Variants in APLN observed in about 807,000 individuals in gnomAD.
APLN encodes apelin, also known as AGTRL1 ligand.
Under a neutral mutation model 4.3 loss-of-function variants are expected in APLN, and 2 were observed. The ratio of observed to expected loss-of-function variants is 0.46; its 90% CI spans 0.19 to 1.45. The LOEUF (loss-of-function observed/expected upper bound fraction) is 1.45. Among genes scored for constraint, APLN ranks in the 40% most tolerant of loss-of-function variants. The pLI, the probability that APLN is intolerant of heterozygous loss-of-function variation, is 0.25. For synonymous variants in APLN, 34 were observed against 30.4 expected, an observed-to-expected ratio of 1.12 and a Z score of -0.38; for missense variants, 80 against 70.0, an observed-to-expected ratio of 1.14 and a Z score of -0.51.
intron 1 of APLN, among the ~76,000 whole-genome samples, chrX:129,650,293 C>T (rs1244775150): frequency 9.0e-6 from 1 of 110,853 alleles, no homozygotes. Context: ...ACGCTCTGTT[C>T]CTTCCTTGGC....
In APLN at chrX:129,647,900, T is replaced by C. The variant is rs1427506090; in HGVS notation, c.*23A>G. ...AGACATAACCGCCGGGGGTGGGCAC[T>C]TGGGGGCCCCTTCAGTCCTAAGGAG... is the stretch of plus-strand genomic sequence containing the variant. On this transcript the variant is annotated 3_prime_UTR_variant, in exon 3 of 3. Coordinates refer to ENST00000429967, the MANE Select transcript of APLN (RefSeq NM_017413.5). 4.1e-6 allele frequency: 4 copies of C among 981,000 alleles called. 1 individual carries two copies. The highest frequency in any genetic ancestry group is 3.0e-5 in the Admixed American group (1 of 32,851). The allele number at this position is 981,000 out of a possible 1,213,427, so 80.8% of individuals were successfully genotyped here. A position where few individuals can be genotyped will look rare whatever the true frequency, so the allele number is the denominator to read the frequency against.
intron 1 of APLN, 74 bp from the exon 2 acceptor site, chrX:129,648,866 G>A (rs1936959845): frequency 1.4e-5 from 13 of 934,289 alleles, no homozygotes; most frequent in Middle Eastern, 3.8e-4. Context: ...ACAGGCCCGC[G>A]GGAGGGGTGG....
intron 1 of APLN, among the ~76,000 whole-genome samples, chrX:129,649,982 G>A (rs2124450187): frequency 9.0e-6 from 1 of 111,655 alleles, no homozygotes; most frequent in South Asian, 3.8e-4. Flanking sequence ...GGCAGGCAGT[G>A]TGTGGAGATG....
rs1220219289 is a variant in APLN, at chrX:129,647,826, G to C, written c.*97C>G. On this transcript the variant is annotated 3_prime_UTR_variant, in exon 3 of 3. Coordinates refer to ENST00000429967, the MANE Select transcript of APLN (RefSeq NM_017413.5). ...GGTGGCTACAGCAGGTGCGAGGTGAGAGCTGAATGGACGTGAGGCCTCCAG... is the reference window on the plus strand; with the variant it reads ...GGTGGCTACAGCAGGTGCGAGGTGACAGCTGAATGGACGTGAGGCCTCCAG... The C allele has an allele frequency of 1.0e-6, 1 of 981,262 alleles. No homozygotes were observed. Among genetic ancestry groups the C allele is most frequent in the East Asian group, 7.5e-5 (1 of 13,263 alleles). The allele number at this position is 981,262 out of a possible 1,213,427, so 80.9% of individuals were successfully genotyped here.
In APLN at chrX:129,647,416, C is replaced by T. The variant is rs1382096162; in HGVS notation, c.*507G>A. The T allele has an allele frequency of 5.6e-5, 16 of 286,671 alleles. No homozygotes were observed. Among genetic ancestry groups the T allele is most frequent in the Non-Finnish European group, 7.8e-5 (13 of 166,020 alleles). The allele number at this position is 286,671 out of a possible 1,213,427, so 23.6% of individuals were successfully genotyped here. On this transcript the variant is annotated 3_prime_UTR_variant, in exon 3 of 3. Transcript: ENST00000429967. ...CCCCAATGTGCCCTGTCTGGATCCC[C>T]GCAGCCAGCACCTCTTAACTAGAGT...
At chrX:129,654,473 G>T in intron 1 of APLN, 91 bp downstream of exon 1, 8 of 886,643 alleles carry the variant, frequency 9.0e-6, no homozygotes, top group Non-Finnish European at 1.2e-5. Context: ...GCTCGCGCCG[G>T]GCTCCCCGGG....
In APLN at chrX:129,646,030, C is replaced by G. The variant is rs1318115933; in HGVS notation, c.*1893G>C. ...TCCCAGCTTTCTTAGCCATCCCCCA[C>G]TTTCTCCCCTTCCCCACGGGGCTGG... On this transcript the variant is annotated 3_prime_UTR_variant, in exon 3 of 3. Coordinates refer to ENST00000429967, the MANE Select transcript of APLN (RefSeq NM_017413.5). 1.8e-5 allele frequency: 2 copies of G among 112,667 alleles called. No homozygotes were observed. Among genetic ancestry groups the G allele is most frequent in the Admixed American group, 9.4e-5 (1 of 10,594 alleles). The allele number at this position is 112,667 out of a possible 1,213,427, so 9.3% of individuals were successfully genotyped here. A position where few individuals can be genotyped will look rare whatever the true frequency, so the allele number is the denominator to read the frequency against.
chrX:129,650,003 G>A (rs1247952826), intron 1 of APLN, among the ~76,000 whole-genome samples: 1 of 111,420 alleles, frequency 9.0e-6, no homozygotes, highest in Non-Finnish European at 1.9e-5. Flanking sequence ...AGATGGTGCT[G>A]GGGAAGAGGC....
rs199703469 is a variant in APLN, at chrX:129,650,991, A to AT, written c.68-2200dup. On this transcript the variant is annotated intron_variant, in intron 1 of 2. Transcript: ENST00000429967. Reference sequence around the variant, plus strand: ...AAGGGATGGGGCAGTGGTGCAGGCCATTGTAGCTCAGGGTGGTGGCAGACA... The same window carrying AT: ...AAGGGATGGGGCAGTGGTGCAGGCCATTTGTAGCTCAGGGTGGTGGCAGACA... Among the ~76,000 whole-genome samples the AT allele has an allele frequency of 3.3e-3, 367 of 111,725 alleles. 2 individuals are homozygous for AT. Among genetic ancestry groups the AT allele is most frequent in the Non-Finnish European group, 5.2e-3 (276 of 53,013 alleles).
chrX:129,654,445 C>T (rs1348674195), intron 1 of APLN, 119 bp downstream of exon 1: 7 of 597,145 alleles, frequency 1.2e-5, no homozygotes, highest in African/African-American at 4.8e-5. Context: ...CTGGCCGGCG[C>T]GTGGCTGCTA....
chrX:129,654,521 C>G, intron 1 of APLN, 43 bp downstream of exon 1: 1 of 1,129,268 alleles, frequency 8.9e-7, no homozygotes. Flanking sequence ...GGGAAAGGAG[C>G]ACGCCGGCTG....
intron 1 of APLN, among the ~76,000 whole-genome samples, chrX:129,653,118 A>G (rs2235312): frequency 0.31 from 34,081 of 111,529 alleles, 7,526 homozygotes; most frequent in African/African-American, 0.76. Context: ...GAAAAAGCCT[A>G]CCCACTTCTT....
chrX:129,654,034 C>G (rs1436771504), intron 1 of APLN, among the ~76,000 whole-genome samples: 1 of 112,787 alleles, frequency 8.9e-6, no homozygotes, highest in Admixed American at 9.2e-5. Context: ...TGCCGCCACC[C>G]CCTCCGCGCA....
chrX:129,654,691 C>A lies in APLN; in HGVS notation c.-61G>T. 1 of 938,247 alleles carries A rather than the reference C, an allele frequency of 1.1e-6. No individual in the cohort carries two copies. The highest frequency in any genetic ancestry group is 4.4e-4 in the Middle Eastern group (1 of 2,292). 77.3% of individuals were successfully genotyped at this position (938,247 alleles called of 1,213,427 possible). On this transcript the variant is annotated 5_prime_UTR_variant, in exon 1 of 3. Transcript: ENST00000429967. ...GCGCGGGGGAGGAGAGGTCGGGCGC[C>A]CGGAGGCCAAGAAAGGCGCGAGCCG...
rs1284152198 is a variant in APLN at position 129,646,438 on chromosome X, G to A, written c.*1485C>T. 8.9e-6 allele frequency: 1 copy of A among 112,685 alleles called. No individual in the cohort carries two copies. Among genetic ancestry groups the A allele is most frequent in the African/African-American group, 3.2e-5 (1 of 30,988 alleles). The allele number at this position is 112,685 out of a possible 1,213,427, so 9.3% of individuals were successfully genotyped here. ...TGGCTGGTGATGGCCCCTCACGGAA[G>A]CTAGGGCCTCCCGGGGAGAGGGTGC... On this transcript the variant is annotated 3_prime_UTR_variant, in exon 3 of 3. Coordinates refer to ENST00000429967, the MANE Select transcript of APLN (RefSeq NM_017413.5).
At chrX:129,650,739 G>A (rs1330266419) in intron 1 of APLN, among the ~76,000 whole-genome samples, 1 of 112,195 alleles carries the variant, frequency 8.9e-6, no homozygotes, top group East Asian at 2.8e-4. Flanking sequence ...CTGTGAGGGG[G>A]CTGGGGCTGG....
At chrX:129,651,581 A>T (rs1186315447) in intron 1 of APLN, among the ~76,000 whole-genome samples, 1 of 112,246 alleles carries the variant, frequency 8.9e-6, no homozygotes, top group Non-Finnish European at 1.9e-5. Context: ...GAGCCTAGAG[A>T]GATTGGAGCC....
chrX:129,649,767 C>T (rs1936967451), intron 1 of APLN, among the ~76,000 whole-genome samples: 1 of 111,233 alleles, frequency 9.0e-6, no homozygotes, highest in African/African-American at 3.3e-5. Flanking sequence ...CACTCTGGGG[C>T]TCCTCTTTAC....
At chrX:129,654,488 G>C in intron 1 of APLN, 76 bp downstream of exon 1, 1 of 1,013,893 alleles carries the variant, frequency 9.9e-7, no homozygotes, top group Non-Finnish European at 1.3e-6. Flanking sequence ...CCCGGGAGGC[G>C]GGGAGAGTGC....
Sources: gnomAD v4.1 joint callset for allele counts (sites outside exome capture counted in the v4.1 genomes callset) on GRCh38, gnomAD v4.1.1 for gene constraint, MANE v1.5 for transcripts, NCBI Gene and HGNC (gene_info 2026-07-23, HGNC 2026-07-21) for gene names.